Variants in SLC10A7 observed in about 807,000 individuals in gnomAD.
SLC10A7 encodes the protein sodium/bile acid cotransporter 7.
Under a neutral mutation model 43.2 loss-of-function variants are expected in SLC10A7, and 29 were observed. The observed-to-expected ratio is 0.67, with a 90% confidence interval of 0.50 to 0.92. SLC10A7 has a LOEUF of 0.92. SLC10A7 is among the 40% of genes least tolerant of loss of function. SLC10A7 has a pLI of 0.00. For synonymous variants in SLC10A7, 152 were observed against 144.8 expected (o/e 1.05, Z -0.35); for missense variants, 295 against 403.2 (o/e 0.73, Z 2.30).
chr4:146,362,450 T>G (rs1343495963), intron 5 of SLC10A7, among the ~76,000 whole-genome samples: 1 of 152,088 alleles, frequency 6.6e-6, no homozygotes, highest in Admixed American at 6.6e-5. Flanking sequence ...GGATGACATA[T>G]TCAAAATGCT....
intron 5 of SLC10A7, among the ~76,000 whole-genome samples, chr4:146,393,694 T>C (rs1738612196): frequency 1.3e-5 from 2 of 152,218 alleles, no homozygotes; most frequent in Admixed American, 1.3e-4. Context: ...CAAGATACAT[T>C]GCTACCTATC....
At chr4:146,434,358 G>A (rs547800328) in intron 5 of SLC10A7, among the ~76,000 whole-genome samples, 6 of 152,162 alleles carry the variant, frequency 3.9e-5, no homozygotes, top group South Asian at 4.2e-4. Context: ...TAAATTATAC[G>A]TGGTAAAGTA....
intron 3 of SLC10A7, among the ~76,000 whole-genome samples, chr4:146,506,567 T>C (rs1736920653): frequency 6.6e-6 from 1 of 152,172 alleles, no homozygotes; most frequent in Non-Finnish European, 1.5e-5. Flanking sequence ...CTACTAGTAA[T>C]AGTAACCTTA....
intron 10 of SLC10A7, among the ~76,000 whole-genome samples, chr4:146,264,981 A>C (rs534248930): frequency 6.6e-6 from 1 of 152,162 alleles, no homozygotes; most frequent in African/African-American, 2.4e-5. Context: ...ATATTCCCCA[A>C]ATCCACAGTC....
chr4:146,347,562 A>G (rs1056180927), intron 5 of SLC10A7, among the ~76,000 whole-genome samples: 1 of 152,200 alleles, frequency 6.6e-6, no homozygotes, highest in African/African-American at 2.4e-5. Flanking sequence ...CAAATCTTCT[A>G]TGGCTGGCAA....
At chr4:146,490,230 A>T (rs1735270169) in intron 4 of SLC10A7, among the ~76,000 whole-genome samples, 1 of 152,156 alleles carries the variant, frequency 6.6e-6, no homozygotes, top group African/African-American at 2.4e-5. Context: ...ATAATTAGGG[A>T]ACTAGAAATA....
intron 3 of SLC10A7, among the ~76,000 whole-genome samples, chr4:146,505,172 G>C (rs770898254): frequency 1.3e-5 from 2 of 152,108 alleles, no homozygotes; most frequent in African/African-American, 2.4e-5. Context: ...ACTTATACAA[G>C]AATTTCTTCT....
chr4:146,313,817 C>T (rs555835973), intron 6 of SLC10A7, among the ~76,000 whole-genome samples: 3 of 152,212 alleles, frequency 2.0e-5, no homozygotes, highest in African/African-American at 4.8e-5. Flanking sequence ...AAGCTCAGTT[C>T]GAATCACAGT....
chr4:146,323,290 T>C (rs2149703760), intron 6 of SLC10A7, among the ~76,000 whole-genome samples: 1 of 152,346 alleles, frequency 6.6e-6, no homozygotes, highest in South Asian at 2.1e-4. Context: ...AGACATGAAG[T>C]CCTTGCCCAT....
intron 10 of SLC10A7, among the ~76,000 whole-genome samples, chr4:146,269,957 T>G (rs189495112): frequency 7.3e-4 from 111 of 152,356 alleles, no homozygotes; most frequent in Admixed American, 4.3e-3. Context: ...CAACATGACC[T>G]TTAATTACCT....
At chr4:146,447,157 T>C (rs1032235646) in intron 4 of SLC10A7, among the ~76,000 whole-genome samples, 14 of 152,166 alleles carry the variant, frequency 9.2e-5, no homozygotes, top group African/African-American at 3.1e-4. Context: ...AATATAGTTA[T>C]ATAAAATATG....
chr4:146,327,477 A>G (rs190862848), intron 5 of SLC10A7, among the ~76,000 whole-genome samples: 226 of 152,332 alleles, frequency 1.5e-3, no homozygotes, highest in African/African-American at 5.2e-3. Context: ...GACTTGTACT[A>G]AGTTCAGACT....
At chr4:146,355,301 C>T (rs1362475566) in intron 5 of SLC10A7, among the ~76,000 whole-genome samples, 3 of 152,180 alleles carry the variant, frequency 2.0e-5, no homozygotes, top group South Asian at 2.1e-4. Context: ...CTCATCATCA[C>T]TGGCCATCAG....
intron 5 of SLC10A7, among the ~76,000 whole-genome samples, chr4:146,359,285 TC>T (rs1411047207): frequency 2.6e-5 from 4 of 152,176 alleles, no homozygotes; most frequent in Non-Finnish European, 5.9e-5. Flanking sequence ...TTGCTGGATA[TC>T]TGACAAAGGA....
chr4:146,360,610 G>T (rs6537416), intron 5 of SLC10A7, among the ~76,000 whole-genome samples: 106,740 of 151,450 alleles, frequency 0.7, 37,789 homozygotes, highest in African/African-American at 0.75. Context: ...CTGGCTTTTT[G>T]TTTGTTTGTT....
chr4:146,375,772 A>T (rs1482646662), intron 5 of SLC10A7, among the ~76,000 whole-genome samples: 3 of 152,080 alleles, frequency 2.0e-5, no homozygotes, highest in African/African-American at 7.2e-5. Flanking sequence ...TCACATACCA[A>T]ACAATTCTCC....
chr4:146,479,765 CAATTCAAAAA>C (rs1734310406), intron 4 of SLC10A7, among the ~76,000 whole-genome samples: 2 of 152,138 alleles, frequency 1.3e-5, no homozygotes, highest in South Asian at 4.1e-4. Context: ...TATTTTACCA[CAATTCAAAAA>C]AATTGTTAGA....
chr4:146,410,234 C>T (rs936300743), intron 5 of SLC10A7, among the ~76,000 whole-genome samples: 1 of 152,196 alleles, frequency 6.6e-6, no homozygotes, highest in Non-Finnish European at 1.5e-5. Context: ...ATATTCTGAT[C>T]CCAAATCTAA....
chr4:146,331,581 TTCC>T (rs777952901), intron 5 of SLC10A7, among the ~76,000 whole-genome samples: 28 of 152,212 alleles, frequency 1.8e-4, no homozygotes, highest in Non-Finnish European at 3.4e-4. Context: ...TCCTGATGGT[TTCC>T]TCATTATTCA....
Sources: allele counts gnomAD v4.1 joint callset (sites outside exome capture counted in the v4.1 genomes callset), GRCh38; gene constraint gnomAD v4.1.1; transcripts MANE v1.5; gene names NCBI Gene and HGNC (gene_info 2026-07-23, HGNC 2026-07-21).